Variants in DDX31 observed in about 807,000 individuals in gnomAD.
DDX31 encodes ATP-dependent DNA helicase DDX31.
In DDX31, 70 loss-of-function variants were observed where a neutral mutation model predicts 91.3. That is an observed-to-expected ratio of 0.77 (90% CI 0.63 to 0.94). The LOEUF (loss-of-function observed/expected upper bound fraction) is 0.94. DDX31 is among the 40% of genes least tolerant of loss of function. The pLI is 0.00. For missense variants in DDX31, 902 were observed against 925.0 expected (o/e 0.98, Z 0.32); for synonymous variants, 362 against 350.6 (o/e 1.03, Z -0.36).
chr9:132,613,465 G>A (rs56212570), intron 18 of DDX31, among the ~76,000 whole-genome samples: 28,320 of 152,120 alleles, frequency 0.19, 3,495 homozygotes, highest in East Asian at 0.5. Context: ...AGGCCAAGTC[G>A]GGGGGATCAC....
chr9:132,597,835 T>C (rs1460182757), intron 19 of DDX31, among the ~76,000 whole-genome samples: 2 of 151,992 alleles, frequency 1.3e-5, no homozygotes, highest in African/African-American at 4.8e-5. Context: ...GGGTCTGGGG[T>C]GGAGGAAGGC....
intron 17 of DDX31, among the ~76,000 whole-genome samples, chr9:132,621,699 C>T (rs1052680330): frequency 6.6e-6 from 1 of 152,232 alleles, no homozygotes; most frequent in Non-Finnish European, 1.5e-5. Context: ...GCAATTAAGA[C>T]ACACGTTATT....
At chr9:132,603,786 G>C (rs2053483) in intron 19 of DDX31, among the ~76,000 whole-genome samples, 25,514 of 152,104 alleles carry the variant, frequency 0.17, 2,741 homozygotes, top group African/African-American at 0.3. Flanking sequence ...TTTGTTGTCA[G>C]CCCTGACTGC....
rs1447199463 is a variant in DDX31, at chr9:132,593,796, G to C, written c.*1070C>G. 2 of 152,314 alleles carry C rather than the reference G, an allele frequency of 1.3e-5. No individual in the cohort carries two copies. The highest frequency in any genetic ancestry group is 2.9e-5 in the Non-Finnish European group (2 of 68,154). The allele number at this position is 152,314 out of a possible 1,614,324, so 9.4% of individuals were successfully genotyped here. The stretch of plus-strand genomic sequence containing the variant: ...CTACTGAAGTGGTGCCTCAACACTG[G>C]TCCTGGGGAGACCACAGAGGGCGGC... On this transcript the variant is annotated 3_prime_UTR_variant, in exon 20 of 20. Coordinates refer to ENST00000372159, the MANE Select transcript of DDX31 (RefSeq NM_022779.9).
intron 15 of DDX31, among the ~76,000 whole-genome samples, chr9:132,631,678 A>T (rs900220673): frequency 1.7e-4 from 26 of 152,368 alleles, no homozygotes; most frequent in Admixed American, 1.7e-3. Flanking sequence ...ACGTACACGG[A>T]CACGGCTCTC....
At chr9:132,610,857 G>C (rs1831287954) in intron 19 of DDX31, among the ~76,000 whole-genome samples, 1 of 152,132 alleles carries the variant, frequency 6.6e-6, no homozygotes. Flanking sequence ...GAAAAGGGAA[G>C]GCCCCAAACT....
intron 6 of DDX31, chr9:132,658,405 C>T (rs761746514): frequency 3.0e-5 from 21 of 702,340 alleles, no homozygotes; most frequent in African/African-American, 2.4e-4. Context: ...AAGAAGGGAA[C>T]ACATGCAAAG....
At chr9:132,645,296 G>A (rs1266937148) in intron 13 of DDX31, among the ~76,000 whole-genome samples, 1 of 152,136 alleles carries the variant, frequency 6.6e-6, no homozygotes, top group Non-Finnish European at 1.5e-5. Flanking sequence ...TAAAATAGGG[G>A]AAATGTTGTA....
chr9:132,624,612 T>C (rs1238204695), intron 17 of DDX31, among the ~76,000 whole-genome samples: 2 of 152,214 alleles, frequency 1.3e-5, no homozygotes, highest in Non-Finnish European at 2.9e-5. Context: ...AAAGTTCCTT[T>C]ACCTCTCTAA....
In DDX31 at chr9:132,632,047, A is replaced by G. The variant is rs1410580965; in HGVS notation, c.1485T>C (p.Ile495=). The change falls in exon 15 of 20, where the codon ATT becomes ATC. Residue 495 remains isoleucine, a synonymous_variant. Coordinates refer to ENST00000372159, the MANE Select transcript of DDX31 (RefSeq NM_022779.9). ...RGLDLPQVTW[I]VQYNAPSSPA... ...TTAACAACTAAAAAATTACCTGAAC[A>G]ATCCACGTGACTTGAGGGAGATCTA... is the stretch of plus-strand genomic sequence containing the variant. 16 of 1,613,220 alleles carry G rather than the reference A, an allele frequency of 9.9e-6. No individual in the cohort carries two copies. In the East Asian group the frequency reaches 3.3e-4, roughly 34 times the overall value.
chr9:132,632,956 T>A (rs1201210278), intron 14 of DDX31, among the ~76,000 whole-genome samples: 1 of 152,188 alleles, frequency 6.6e-6, no homozygotes, highest in Non-Finnish European at 1.5e-5. Context: ...ACATCTGTAC[T>A]CAGCATTCAT....
At chr9:132,666,034 T>TTA (rs1484435215) in intron 1 of DDX31, among the ~76,000 whole-genome samples, 1 of 152,224 alleles carries the variant, frequency 6.6e-6, no homozygotes, top group African/African-American at 2.4e-5. Context: ...CTGCTCAACA[T>TTA]TATAGTTTTG....
At chr9:132,631,637 T>G (rs890326729) in intron 15 of DDX31, among the ~76,000 whole-genome samples, 1 of 152,244 alleles carries the variant, frequency 6.6e-6, no homozygotes, top group Non-Finnish European at 1.5e-5. Flanking sequence ...TGTAAGATGC[T>G]GTCAGGAACT....
intron 19 of DDX31, among the ~76,000 whole-genome samples, chr9:132,608,541 G>A (rs943410538): frequency 1.3e-5 from 2 of 152,134 alleles, no homozygotes; most frequent in African/African-American, 4.8e-5. Context: ...ATACCCGCCT[G>A]AGCTCCCGCT....
At position 132,662,534 on chromosome 9, in the gene DDX31, A is replaced by C; in HGVS notation, c.237T>G (p.His79Gln). 1 of 1,614,200 alleles carries C rather than the reference A, an allele frequency of 6.2e-7. No individual in the cohort carries two copies. The highest frequency in any genetic ancestry group is 1.7e-5 in the Admixed American group (1 of 60,020). The change falls in exon 2 of 20, where the codon CAT (histidine) becomes CAG (glutamine). Residue 79 changes from histidine to glutamine, a missense_variant. His to Gln is a conservative substitution (Grantham distance 24). Transcript: ENST00000372159. Reference sequence around the variant, plus strand: ...GGTTTCTATCACTTGTGCTAACCGAATGCTTCTTTGGAGAAAACATTTTTT... The same window carrying C: ...GGTTTCTATCACTTGTGCTAACCGACTGCTTCTTTGGAGAAAACATTTTTT... The part of the protein sequence containing the change: ...NAQKMFSPKK[H>Q]SVSTSDRNQE...
Position 132,652,462 on chromosome 9 carries a change from C to T in DDX31, c.619G>A (p.Val207Met), listed in dbSNP as rs150127278. 6.3e-5 allele frequency: 102 copies of T among 1,614,022 alleles called. No individual in the cohort carries two copies. The highest frequency in any genetic ancestry group is 5.2e-4 in the Admixed American group (31 of 60,010). ...AGCCTGCTTACCTCTCTCGTTGGCA[C>T]GAGCACCAGGGCATAGGGGCCATCA... ...RSDGPYALVL[V>M]PTRELALQSF... Residue 207 changes from valine to methionine, a missense_variant, in exon 7 of 20, where the codon GTG becomes ATG. By Grantham distance (21) the Val-to-Met change is conservative. Transcript: ENST00000372159.
rs997846780 is a variant in DDX31 at position 132,651,195 on chromosome 9, G to A, written c.634-79C>T. 8.1e-6 allele frequency: 10 copies of A among 1,228,716 alleles called. No homozygotes were observed. In the Admixed American group the frequency reaches 1.5e-4, roughly 19 times the overall value. 76.1% of individuals were successfully genotyped at this position (1,228,716 alleles called of 1,614,324 possible). A position where few individuals can be genotyped will look rare whatever the true frequency, so the allele number is the denominator to read the frequency against. ...TTTAAAGACAATTTAATGTGATTAG[G>A]ATCCAAACTTGGACCTCAAGTTAAG... On this transcript the variant is annotated intron_variant, in intron 7 of 19. Transcript: ENST00000372159.
At chr9:132,609,487 C>A (rs1055061274) in intron 19 of DDX31, among the ~76,000 whole-genome samples, 5 of 152,168 alleles carry the variant, frequency 3.3e-5, no homozygotes, top group Admixed American at 2.6e-4. Flanking sequence ...AAGATCTGGG[C>A]CGGTCTGAGG....
chr9:132,631,130 T>C (rs546622140), intron 15 of DDX31, among the ~76,000 whole-genome samples: 2 of 152,372 alleles, frequency 1.3e-5, no homozygotes, highest in Non-Finnish European at 2.9e-5. Flanking sequence ...TGGCAATAAC[T>C]TTGTCATCAT....
Sources: allele counts gnomAD v4.1 joint callset (sites outside exome capture counted in the v4.1 genomes callset), GRCh38; gene constraint gnomAD v4.1.1; transcripts MANE v1.5; gene names NCBI Gene and HGNC (gene_info 2026-07-23, HGNC 2026-07-21).